Variants in PLPBP observed in about 807,000 individuals in gnomAD.
PLPBP encodes pyridoxal phosphate homeostasis protein.
PLPBP carries 21 observed loss-of-function variants against 31.2 expected under a neutral mutation model. That is an observed-to-expected ratio of 0.67 (90% CI 0.48 to 0.97). The LOEUF (loss-of-function observed/expected upper bound fraction) is 0.97, where lower values mean the gene tolerates loss of function less well. PLPBP is among the 50% of genes least tolerant of loss of function. PLPBP has a pLI of 0.00. For synonymous variants in PLPBP, 124 were observed against 135.6 expected (o/e 0.91, Z 0.59); for missense variants, 308 against 354.4 (o/e 0.87, Z 1.05).
rs1221030286 is a variant in PLPBP, at chr8:37,775,449, G to C, written c.565G>C (p.Asp189His). ...GATGACCATAGGAAGCTTTGGGCAT[G>C]ATCTTAGTCAAGGACCAAATCCAGA... Reference protein sequence around the residue: ...GLMTIGSFGHDLSQGPNPDFQ... With the variant: ...GLMTIGSFGHHLSQGPNPDFQ... Residue 189 changes from aspartate to histidine, a missense_variant, in exon 6 of 8, where the codon GAT becomes CAT. Physicochemically the swap from Asp to His is moderately conservative, Grantham distance 81 (BLOSUM62 -1). This residue lies in a region of PLPBP where 188 missense variants were observed against 259.3 expected (regional missense o/e 0.73). Coordinates refer to ENST00000328195, the MANE Select transcript of PLPBP (RefSeq NM_007198.4). 14 of 1,614,200 alleles carry C rather than the reference G, an allele frequency of 8.7e-6. No individual in the cohort carries two copies. The highest frequency in any genetic ancestry group is 1.2e-5 in the Non-Finnish European group (14 of 1,180,052).
chr8:37,766,810 G>A (rs527577985), intron 4 of PLPBP: 270 of 267,880 alleles, frequency 1.0e-3, no homozygotes, highest in Middle Eastern at 5.8e-3. Flanking sequence ...ATGGGAGGCC[G>A]AGGCAGGCGG....
intron 3 of PLPBP, 77 bp downstream of exon 3, chr8:37,765,823 T>A: frequency 6.6e-7 from 1 of 1,524,418 alleles, no homozygotes; most frequent in Non-Finnish European, 9.0e-7. Context: ...ATCCTGGTGG[T>A]TGAGTTGTAC....
intron 7 of PLPBP, among the ~76,000 whole-genome samples, chr8:37,776,226 C>A (rs1360576341): frequency 6.6e-6 from 1 of 152,028 alleles, no homozygotes; most frequent in African/African-American, 2.4e-5. Context: ...GCCTGTAATC[C>A]CAGCACTTTG....
At chr8:37,771,152 T>TA (rs1159059703) in intron 4 of PLPBP, among the ~76,000 whole-genome samples, 1 of 152,026 alleles carries the variant, frequency 6.6e-6, no homozygotes, top group African/African-American at 2.4e-5. Context: ...CTTTCTTTTT[T>TA]AGTCTTTCTA....
intron 4 of PLPBP, among the ~76,000 whole-genome samples, chr8:37,769,430 G>A (rs1803717180): frequency 1.3e-5 from 2 of 151,902 alleles, no homozygotes; most frequent in South Asian, 2.1e-4. Context: ...CAAAGCAAAA[G>A]GGAGGCACAG....
intron 4 of PLPBP, among the ~76,000 whole-genome samples, chr8:37,769,129 G>T (rs939836396): frequency 3.3e-5 from 5 of 152,046 alleles, no homozygotes; most frequent in Admixed American, 6.6e-5. Flanking sequence ...GAGCCCAAGA[G>T]TTTAAGACCA....
Position 37,778,202 on chromosome 8 carries a change from G to A in PLPBP, c.*98G>A. The A allele has an allele frequency of 6.9e-7, 1 of 1,443,844 alleles. No homozygotes were observed. Among genetic ancestry groups the A allele is most frequent in the South Asian group, 1.2e-5 (1 of 81,256 alleles). The allele number at this position is 1,443,844 out of a possible 1,614,324, so 89.4% of individuals were successfully genotyped here. ...CAGTCCTGCTCTCCTGTGACCTGTGGAGAGCACTAATGATCACGTGTGTTG... is the reference window on the plus strand; with the variant it reads ...CAGTCCTGCTCTCCTGTGACCTGTGAAGAGCACTAATGATCACGTGTGTTG... On this transcript the variant is annotated 3_prime_UTR_variant, in exon 8 of 8. Transcript: ENST00000328195.
chr8:37,772,087 CTTTG>C (rs2046428182), intron 4 of PLPBP, among the ~76,000 whole-genome samples: 1 of 152,216 alleles, frequency 6.6e-6, no homozygotes, highest in South Asian at 2.1e-4. Flanking sequence ...TATATCCAAG[CTTTG>C]TTTTTGTAAT....
chr8:37,767,722 C>G (rs930900228), intron 4 of PLPBP, among the ~76,000 whole-genome samples: 2 of 148,068 alleles, frequency 1.4e-5, no homozygotes, highest in Non-Finnish European at 3.0e-5. Context: ...GGCTGAATCA[C>G]AAGTTAAGTG....
chr8:37,775,593 G>C, intron 6 of PLPBP, 112 bp downstream of exon 6: 1 of 1,460,956 alleles, frequency 6.8e-7, no homozygotes, highest in South Asian at 1.3e-5. Flanking sequence ...ACTGCCTGTT[G>C]AGTGTTCTAG....
chr8:37,776,022 T>C lies in PLPBP; in HGVS notation c.696+6T>C. 6.2e-7 allele frequency: 1 copy of C among 1,611,722 alleles called. No homozygotes were observed. Among genetic ancestry groups the C allele is most frequent in the Non-Finnish European group, 8.5e-7 (1 of 1,178,408 alleles). ...CCGCGGATTTCCAGCATGCGGTGAG[T>C]GTCCTGCCAGTGCCCTGTCTGCCTC... On this transcript the variant is annotated splice_donor_region_variant and intron_variant, in intron 7 of 7. Coordinates refer to ENST00000328195, the MANE Select transcript of PLPBP (RefSeq NM_007198.4).
intron 1 of PLPBP, among the ~76,000 whole-genome samples, 161 bp downstream of exon 1, chr8:37,762,919 C>A (rs1803518483): frequency 1.3e-5 from 2 of 152,214 alleles, no homozygotes; most frequent in African/African-American, 4.8e-5. Flanking sequence ...TTTCCCCAGC[C>A]TCCTTACCTT....
Position 37,762,670 on chromosome 8 carries a change from CTGGCAGCA to C in PLPBP, c.14_21del (p.Gly5ValfsTer81). ...GTCGGTCCCCGGGGGATGTGGAGAG[CTGGCAGCA>C]TGTCGGCCGAGCTGGGAGTCGGGTG... On this transcript the variant is annotated frameshift_variant, in exon 1 of 8. Coordinates refer to ENST00000328195, the MANE Select transcript of PLPBP (RefSeq NM_007198.4). LOFTEE classifies it high-confidence loss of function. 6.3e-7 allele frequency: 1 copy of C among 1,584,100 alleles called. No individual in the cohort carries two copies. The highest frequency in any genetic ancestry group is 8.6e-7 in the Non-Finnish European group (1 of 1,168,806).
At chr8:37,774,386 TCTCTCTGTA>T (rs1356610478) in intron 5 of PLPBP, among the ~76,000 whole-genome samples, 1 of 152,254 alleles carries the variant, frequency 6.6e-6, no homozygotes, top group Admixed American at 6.5e-5. Flanking sequence ...AGTTACCTAA[TCTCTCTGTA>T]CTTCAGTTTC....
intron 4 of PLPBP, among the ~76,000 whole-genome samples, chr8:37,767,274 C>T (rs1585931897): frequency 6.6e-6 from 1 of 152,132 alleles, no homozygotes; most frequent in Non-Finnish European, 1.5e-5. Flanking sequence ...GTGAAACCAT[C>T]ACAACAAACA....
In PLPBP at chr8:37,765,594, G is replaced by A. The variant is rs1162541428; in HGVS notation, c.168G>A (p.Glu56=). 1 of 1,614,146 alleles carries A rather than the reference G, an allele frequency of 6.2e-7. No individual in the cohort carries two copies. Among genetic ancestry groups the A allele is most frequent in the South Asian group, 1.1e-5 (1 of 91,084 alleles). The change falls in exon 2 of 8, where the codon GAG becomes GAA. Residue 56 remains glutamate, a synonymous_variant. Coordinates refer to ENST00000328195, the MANE Select transcript of PLPBP (RefSeq NM_007198.4). ...CCAAACCTGCAGACATGGTGATCGA[G>A]GCCTATGGACATGGGCAGCGCACTT... ...SKTKPADMVI[E]AYGHGQRTFG...
intron 4 of PLPBP, among the ~76,000 whole-genome samples, chr8:37,772,145 A>G (rs913571251): frequency 2.0e-5 from 3 of 152,260 alleles, no homozygotes; most frequent in African/African-American, 7.2e-5. Context: ...AGGAATAGTT[A>G]TGTAAACTGT....
At position 37,778,208 on chromosome 8, in the gene PLPBP, A is replaced by G. The variant is rs1803969588; in HGVS notation, c.*104A>G. 2.9e-6 allele frequency: 4 copies of G among 1,381,712 alleles called. No homozygotes were observed. Among genetic ancestry groups the G allele is most frequent in the South Asian group, 1.3e-5 (1 of 76,228 alleles). The allele number at this position is 1,381,712 out of a possible 1,614,324, so 85.6% of individuals were successfully genotyped here. A position where few individuals can be genotyped will look rare whatever the true frequency, so the allele number is the denominator to read the frequency against. On this transcript the variant is annotated 3_prime_UTR_variant, in exon 8 of 8. Transcript: ENST00000328195. ...TGCTCTCCTGTGACCTGTGGAGAGC[A>G]CTAATGATCACGTGTGTTGATGGAA...
chr8:37,765,910 C>A (rs1297920155), intron 3 of PLPBP, among the ~76,000 whole-genome samples, 164 bp downstream of exon 3: 1 of 152,140 alleles, frequency 6.6e-6, no homozygotes, highest in Admixed American at 6.5e-5. Flanking sequence ...CCAAGTAATT[C>A]TCAGCTAGAT....
Sources: gnomAD v4.1 joint callset for allele counts (sites outside exome capture counted in the v4.1 genomes callset) on GRCh38, gnomAD v4.1.1 for gene constraint, gnomAD v4.1.1 regional missense constraint, MANE v1.5 for transcripts, NCBI Gene and HGNC (gene_info 2026-07-23, HGNC 2026-07-21) for gene names.